Variants in SMG9 observed in about 807,000 individuals in gnomAD.
SMG9 encodes the protein SMG9 nonsense mediated mRNA decay factor, also known as nonsense-mediated mRNA decay factor SMG9.
SMG9 carries 55 observed loss-of-function variants against 64.0 expected under a neutral mutation model. That is an observed-to-expected ratio of 0.86 (90% CI 0.69 to 1.08). The LOEUF (loss-of-function observed/expected upper bound fraction) is 1.08, where lower values mean the gene tolerates loss of function less well. Ranked by LOEUF, SMG9 falls within the 50% of genes least tolerant of loss-of-function variation. The pLI, the probability that SMG9 is intolerant of heterozygous loss-of-function variation, is 0.00. For missense variants in SMG9, 554 were observed against 681.3 expected, an observed-to-expected ratio of 0.81 and a Z score of 2.08; for synonymous variants, 244 against 254.8, an observed-to-expected ratio of 0.96 and a Z score of 0.41.
Position 43,750,505 on chromosome 19 carries a change from C to T in SMG9, c.150+87G>A, listed in dbSNP as rs1599660330. On this transcript the variant is annotated intron_variant, in intron 2 of 13. Coordinates refer to ENST00000270066, the MANE Select transcript of SMG9 (RefSeq NM_019108.4). ...GGTAGGTTTTGTTTACAAATATATC[C>T]CCGGCATCTGGATTAGTGCCTGGCA... 6.9e-6 allele frequency: 10 copies of T among 1,458,708 alleles called. No homozygotes were observed. The Admixed American group carries it at 8.6e-5, about 12-fold the overall frequency. The allele number at this position is 1,458,708 out of a possible 1,614,324, so 90.4% of individuals were successfully genotyped here.
intron 2 of SMG9, chr19:43,750,244 C>G (rs1268899249): frequency 1.8e-6 from 1 of 541,794 alleles, no homozygotes. Flanking sequence ...TCAATTGCAG[C>G]CATCCTGGCC....
chr19:43,753,514 G>C (rs550120412), intron 1 of SMG9, among the ~76,000 whole-genome samples: 6 of 144,338 alleles, frequency 4.2e-5, no homozygotes, highest in Non-Finnish European at 7.5e-5. Flanking sequence ...AGGCTGGAGT[G>C]CAGTGGCACG....
chr19:43,742,346 G>A (rs1459548642), intron 6 of SMG9, among the ~76,000 whole-genome samples: 1 of 152,148 alleles, frequency 6.6e-6, no homozygotes, highest in African/African-American at 2.4e-5. Context: ...GCCAAGGTGG[G>A]AGGATGGCTT....
chr19:43,743,737 A>G (rs1968911727), intron 6 of SMG9, among the ~76,000 whole-genome samples: 1 of 152,204 alleles, frequency 6.6e-6, no homozygotes. Flanking sequence ...TAGAGGATGC[A>G]GTGGGCTATG....
In SMG9 at chr19:43,744,882, G is replaced by C. The variant is rs1968952811; in HGVS notation, c.591C>G (p.Tyr197Ter). ...QMNWCDSAIE[Y>*]LLDQTDVLVV... Reference sequence around the variant, plus strand: ...CCAACACATCAGTCTGATCCAACAGGTACTGTGGGAAAATACATAAATGAC... The same window carrying C: ...CCAACACATCAGTCTGATCCAACAGCTACTGTGGGAAAATACATAAATGAC... Residue 197 changes from tyrosine (Y) to a stop codon, truncating the protein, a stop_gained and splice_region_variant, in exon 6 of 14, where the codon TAC becomes TAG. Coordinates refer to ENST00000270066, the MANE Select transcript of SMG9 (RefSeq NM_019108.4). LOFTEE classifies it high-confidence loss of function. The C allele has an allele frequency of 6.2e-7, 1 of 1,609,352 alleles. No homozygotes were observed. The highest frequency in any genetic ancestry group is 8.5e-7 in the Non-Finnish European group (1 of 1,176,484).
At position 43,747,521 on chromosome 19, in the gene SMG9, T is replaced by C. The variant is rs371514682; in HGVS notation, c.509A>G (p.Lys170Arg). The C allele has an allele frequency of 1.2e-6, 2 of 1,614,054 alleles. No homozygotes were observed. The highest frequency in any genetic ancestry group is 1.7e-6 in the Non-Finnish European group (2 of 1,180,032). ...CTTCATGCGCTCTGGGGGCAGTAGT[T>C]TGGCCTGACCCACGACAGCTGGAGA... Reference protein sequence around the residue: ...AAMDPVVGQAKLLPPERMKHS... With the variant: ...AAMDPVVGQARLLPPERMKHS... Residue 170 changes from lysine (K) to arginine (R), a missense_variant, in exon 5 of 14, where the codon AAA becomes AGA. Coordinates refer to ENST00000270066, the MANE Select transcript of SMG9 (RefSeq NM_019108.4).
intron 7 of SMG9, 104 bp from the exon 8 acceptor site, chr19:43,738,321 G>C (rs1435766748): frequency 2.0e-6 from 2 of 1,004,086 alleles, no homozygotes; most frequent in Non-Finnish European, 3.0e-6. Context: ...AGAAACAAAG[G>C]CAGGCAATTT....
intron 1 of SMG9, among the ~76,000 whole-genome samples, chr19:43,753,338 T>C (rs1157275600): frequency 1.3e-5 from 2 of 152,164 alleles, no homozygotes; most frequent in African/African-American, 2.4e-5. Context: ...ATCTACCCAG[T>C]GCTTAAGTAC....
intron 8 of SMG9, 38 bp from the exon 9 acceptor site, chr19:43,737,720 T>A (rs1192942392): frequency 6.2e-7 from 1 of 1,601,678 alleles, no homozygotes; most frequent in Non-Finnish European, 8.5e-7. Flanking sequence ...TGAGGACCTC[T>A]TCTGCCCAGA....
chr19:43,743,472 G>C (rs1968904104), intron 6 of SMG9, among the ~76,000 whole-genome samples: 2 of 152,160 alleles, frequency 1.3e-5, no homozygotes, highest in Non-Finnish European at 2.9e-5. Context: ...CTTTTCCCTA[G>C]AAGAAAAGCC....
rs1291927301 is a variant in SMG9 at position 43,731,260 on chromosome 19, G to A, written c.*336C>T. The A allele has an allele frequency of 9.0e-7, 1 of 1,116,324 alleles. No homozygotes were observed. The highest frequency in any genetic ancestry group is 4.7e-5 in the Admixed American group (1 of 21,248). The allele number at this position is 1,116,324 out of a possible 1,614,324, so 69.2% of individuals were successfully genotyped here. Reference sequence around the variant, plus strand: ...GCTTAGAGTCAGGGAAGAGGGGCCTGTTGCTCCTGTCCCTGAAAAAGGAGG... The same window carrying A: ...GCTTAGAGTCAGGGAAGAGGGGCCTATTGCTCCTGTCCCTGAAAAAGGAGG... On this transcript the variant is annotated 3_prime_UTR_variant, in exon 14 of 14. Transcript: ENST00000270066.
At chr19:43,745,030 G>A (rs1265683079) in intron 5 of SMG9, 146 bp from the exon 6 acceptor site, 2 of 559,812 alleles carry the variant, frequency 3.6e-6, no homozygotes, top group African/African-American at 3.8e-5. Context: ...CCTTCAACTA[G>A]GCATAGGGCC....
chr19:43,737,272 C>A (rs936351229), intron 9 of SMG9, among the ~76,000 whole-genome samples: 2 of 149,218 alleles, frequency 1.3e-5, no homozygotes, highest in Non-Finnish European at 3.0e-5. Flanking sequence ...GACTCCGTCT[C>A]AATAAATAAA....
intron 1 of SMG9, among the ~76,000 whole-genome samples, chr19:43,751,961 T>C (rs540316763): frequency 8.5e-5 from 13 of 152,308 alleles, no homozygotes; most frequent in African/African-American, 3.1e-4. Flanking sequence ...AAAAATAGGA[T>C]ATTCTCCTTA....
At chr19:43,750,307 C>A in intron 2 of SMG9, 1 of 608,068 alleles carries the variant, frequency 1.6e-6, no homozygotes, top group Non-Finnish European at 3.1e-6. Flanking sequence ...AGGGCCTCTG[C>A]GCTTGCTGTT....
chr19:43,746,684 G>A (rs1416328425), intron 5 of SMG9, among the ~76,000 whole-genome samples: 1 of 151,604 alleles, frequency 6.6e-6, no homozygotes, highest in Non-Finnish European at 1.5e-5. Flanking sequence ...ACAACATCTG[G>A]GAGACTGGTG....
rs201870805 is a variant in SMG9, at chr19:43,733,712, C to A, written c.1124G>T (p.Arg375Leu). The A allele has an allele frequency of 1.9e-6, 3 of 1,613,982 alleles. No homozygotes were observed. The highest frequency in any genetic ancestry group is 1.7e-6 in the Non-Finnish European group (2 of 1,180,028). Residue 375 changes from arginine (R) to leucine (L), a missense_variant, in exon 11 of 14, where the codon CGC (arginine) becomes CTC (leucine). Physicochemically the swap from Arg to Leu is moderately radical, Grantham distance 102. Transcript: ENST00000270066. ...CTTCCGAGGACAGAAGTCCTCTCGG[C>A]GAGCTTTGTTCTGCAAGAAGACTGA... The part of the protein sequence containing the change: ...PHLVFLQNKA[R>L]REDFCPRKLR...
chr19:43,747,586 T>C (rs768450646), intron 4 of SMG9, 47 bp from the exon 5 acceptor site: 8 of 1,614,080 alleles, frequency 5.0e-6, no homozygotes, highest in Non-Finnish European at 6.8e-6. Flanking sequence ...TGAGGATCTG[T>C]GAGGAGACGC....
chr19:43,745,688 G>A (rs1968978096), intron 5 of SMG9, among the ~76,000 whole-genome samples: 1 of 152,130 alleles, frequency 6.6e-6, no homozygotes, highest in South Asian at 2.1e-4. Flanking sequence ...CCAACATGGT[G>A]AAACTCCGTC....
Sources: allele counts gnomAD v4.1 joint callset (sites outside exome capture counted in the v4.1 genomes callset), GRCh38; gene constraint gnomAD v4.1.1; transcripts MANE v1.5; gene names NCBI Gene and HGNC (gene_info 2026-07-23, HGNC 2026-07-21).